The following TULP4 variants were observed in gnomAD, a reference collection of about 807,000 sequenced individuals.
The protein encoded by TULP4 is tubby-related protein 4.
A neutral mutation model predicts 129.0 loss-of-function variants in TULP4; 16 were observed. The ratio of observed to expected loss-of-function variants is 0.12; its 90% confidence interval spans 0.08 to 0.19. The LOEUF (loss-of-function observed/expected upper bound fraction) is 0.19. Ranked by LOEUF, TULP4 falls within the 10% of genes least tolerant of loss-of-function variation. TULP4 has a pLI of 1.00. For missense variants in TULP4, 1,842 were observed against 2,059.1 expected, an observed-to-expected ratio of 0.89 and a Z score of 2.04; for synonymous variants, 998 against 854.0, an observed-to-expected ratio of 1.17 and a Z score of -2.94.
At chr6:158,429,643 C>T in intron 2 of TULP4, 93 bp from the exon 3 acceptor site, 1 of 1,364,908 alleles carries the variant, frequency 7.3e-7, no homozygotes, top group Non-Finnish European at 9.9e-7. Context: ...TCCATCTTAG[C>T]CAAAAGTCTA....
At chr6:158,465,935 A>C (rs1014465625) in intron 6 of TULP4, among the ~76,000 whole-genome samples, 2 of 152,200 alleles carry the variant, frequency 1.3e-5, no homozygotes, top group African/African-American at 4.8e-5. Flanking sequence ...GCAGAAAGGA[A>C]TATTTTAAGT....
chr6:158,267,014 A>T (rs548425261), intron 1 of TULP4, among the ~76,000 whole-genome samples: 30 of 152,294 alleles, frequency 2.0e-4, no homozygotes, highest in Admixed American at 1.3e-3. Context: ...TTCTGTGTCT[A>T]TAAATTTGAC....
In TULP4 at chr6:158,506,856, G is replaced by A. The variant is rs1462071696; in HGVS notation, c.*162G>A. 1.7e-6 allele frequency: 1 copy of A among 598,390 alleles called. No homozygotes were observed. The allele number at this position is 598,390 out of a possible 1,614,324, so 37.1% of individuals were successfully genotyped here. A position where few individuals can be genotyped will look rare whatever the true frequency, so the allele number is the denominator to read the frequency against. On this transcript the variant is annotated 3_prime_UTR_variant, in exon 14 of 14. Coordinates refer to ENST00000367097, the MANE Select transcript of TULP4 (RefSeq NM_020245.5). ...CAGGAGAGGGCGCTGACCTGTGGTC[G>A]TCATTTATTTGGTTGGGTTTTATTA...
intron 5 of TULP4, among the ~76,000 whole-genome samples, chr6:158,454,737 C>G (rs1160739105): frequency 6.6e-6 from 1 of 152,022 alleles, no homozygotes; most frequent in Non-Finnish European, 1.5e-5. Context: ...TCCCTAGTAG[C>G]TGGGATTACA....
chr6:158,476,744 A>C (rs76181892), intron 6 of TULP4, among the ~76,000 whole-genome samples: 2 of 152,190 alleles, frequency 1.3e-5, no homozygotes, highest in Non-Finnish European at 2.9e-5. Flanking sequence ...GCTTTGACCA[A>C]ATGGACTAAG....
intron 1 of TULP4, among the ~76,000 whole-genome samples, chr6:158,298,548 G>A (rs2128474323): frequency 6.6e-6 from 1 of 152,262 alleles, no homozygotes; most frequent in South Asian, 2.1e-4. Flanking sequence ...AGGATTCTTT[G>A]ACTGGTCTGG....
rs552433398 is a variant in TULP4 at position 158,334,341 on chromosome 6, G to A, written c.252+20073G>A. ...ATAGTTCATCTTGTAAACAGGAAGT[G>A]TAAACTTGCCATATGGATAAATACA... On this transcript the variant is annotated intron_variant, in intron 1 of 13. Transcript: ENST00000367097. Among the ~76,000 whole-genome samples the A allele has an allele frequency of 3.7e-4, 57 of 152,322 alleles. No individual in the cohort carries two copies. In the South Asian group the frequency reaches 5.6e-3, roughly 15 times the overall value.
chr6:158,442,119 C>A (rs1189326131), intron 3 of TULP4, among the ~76,000 whole-genome samples: 1 of 152,118 alleles, frequency 6.6e-6, no homozygotes, highest in Non-Finnish European at 1.5e-5. Flanking sequence ...TAACTCAGGT[C>A]CAGCTTGGCT....
intron 3 of TULP4, among the ~76,000 whole-genome samples, chr6:158,431,187 T>A (rs341099): frequency 0.11 from 16,472 of 151,972 alleles, 1,209 homozygotes; most frequent in Non-Finnish European, 0.16. Flanking sequence ...TACCCCCGAG[T>A]CTCAGAAGTG....
intron 1 of TULP4, among the ~76,000 whole-genome samples, chr6:158,357,290 A>G (rs1352846934): frequency 9.9e-5 from 15 of 152,172 alleles, no homozygotes; most frequent in Non-Finnish European, 2.1e-4. Context: ...ACGTGACAGG[A>G]TTTGCCACTG....
chr6:158,439,458 C>G (rs938946711), intron 3 of TULP4, among the ~76,000 whole-genome samples: 3 of 151,996 alleles, frequency 2.0e-5, no homozygotes, highest in Admixed American at 1.3e-4. Context: ...CAGTTCTCAC[C>G]TCCTCCCAGA....
chr6:158,506,879 T>C lies in TULP4; in HGVS notation c.*185T>C. On this transcript the variant is annotated 3_prime_UTR_variant, in exon 14 of 14. Coordinates refer to ENST00000367097, the MANE Select transcript of TULP4 (RefSeq NM_020245.5). ...TCGTCATTTATTTGGTTGGGTTTTATTACCTTTTATTGTCTGTTCTTCTTT... is the reference window on the plus strand; with the variant it reads ...TCGTCATTTATTTGGTTGGGTTTTACTACCTTTTATTGTCTGTTCTTCTTT... 1.7e-6 allele frequency: 1 copy of C among 585,008 alleles called. No homozygotes were observed. 36.2% of individuals were successfully genotyped at this position (585,008 alleles called of 1,614,324 possible).
intron 1 of TULP4, among the ~76,000 whole-genome samples, chr6:158,404,892 G>C (rs1222037858): frequency 6.6e-6 from 1 of 152,002 alleles, no homozygotes; most frequent in Non-Finnish European, 1.5e-5. Context: ...GCTCTGGATA[G>C]TACTGGTGAT....
chr6:158,354,612 G>C (rs1780601557), intron 1 of TULP4, among the ~76,000 whole-genome samples: 1 of 152,176 alleles, frequency 6.6e-6, no homozygotes, highest in African/African-American at 2.4e-5. Flanking sequence ...TTTGCCCTTG[G>C]CTGGGCATGG....
At position 158,354,001 on chromosome 6, in the gene TULP4, C is replaced by T. The variant is rs553325584; in HGVS notation, c.252+39733C>T. ...CTGTGGTCATCGGCCCCAGAGTCTTCGGGGAGCAATTTTGTTGACACAGGA... is the reference window on the plus strand; with the variant it reads ...CTGTGGTCATCGGCCCCAGAGTCTTTGGGGAGCAATTTTGTTGACACAGGA... On this transcript the variant is annotated intron_variant, in intron 1 of 13. Transcript: ENST00000367097. Among the ~76,000 whole-genome samples, 148 of 152,294 alleles carry T rather than the reference C, an allele frequency of 9.7e-4. 1 individual carries two copies. The highest frequency in any genetic ancestry group is 3.3e-3 in the African/African-American group (137 of 41,570).
chr6:158,494,614 TAGATG>T, intron 10 of TULP4, 134 bp from the exon 11 acceptor site: 1 of 737,650 alleles, frequency 1.4e-6, no homozygotes, highest in Non-Finnish European at 2.1e-6. Flanking sequence ...TTGCAAATGG[TAGATG>T]AGGTAGGGAA....
chr6:158,264,911 CTG>C (rs1300888103), intron 1 of TULP4, among the ~76,000 whole-genome samples: 1 of 152,218 alleles, frequency 6.6e-6, no homozygotes, highest in Non-Finnish European at 1.5e-5. Context: ...TGGGGATTCT[CTG>C]TGCCTTCAAA....
intron 1 of TULP4, among the ~76,000 whole-genome samples, chr6:158,365,536 G>A (rs912809434): frequency 6.6e-6 from 1 of 150,516 alleles, no homozygotes; most frequent in Non-Finnish European, 1.5e-5. Context: ...GAGTGCAGTG[G>A]TGCGATCTCA....
rs1193093927 is a variant in TULP4, at chr6:158,383,763, G to A, written c.253-29302G>A. The stretch of plus-strand genomic sequence containing the variant: ...TGGTCTGTGGTCACTTGCCAGCTGG[G>A]CATAATGGGAGGTAGTGTGGTGACT... On this transcript the variant is annotated intron_variant, in intron 1 of 13. Coordinates refer to ENST00000367097, the MANE Select transcript of TULP4 (RefSeq NM_020245.5). Among the ~76,000 whole-genome samples the A allele has an allele frequency of 3.4e-4, 52 of 152,208 alleles. 1 individual carries two copies. The highest frequency in any genetic ancestry group is 1.5e-5 in the Non-Finnish European group (1 of 68,042).
Sources: gnomAD v4.1 joint callset for allele counts (sites outside exome capture counted in the v4.1 genomes callset) on GRCh38, gnomAD v4.1.1 for gene constraint, MANE v1.5 for transcripts, NCBI Gene and HGNC (gene_info 2026-07-23, HGNC 2026-07-21) for gene names.